The following XRCC4 variants were observed in gnomAD, a reference collection of about 807,000 sequenced individuals.
XRCC4 encodes the protein DNA repair protein XRCC4.
Under a neutral mutation model 39.1 loss-of-function variants are expected in XRCC4, and 28 were observed. The ratio of observed to expected loss-of-function variants is 0.72; its 90% CI spans 0.53 to 0.98. The LOEUF is 0.98. XRCC4 is among the 50% of genes least tolerant of loss of function. The pLI is 0.00. For missense variants in XRCC4, 350 were observed against 376.4 expected, an observed-to-expected ratio of 0.93 and a Z score of 0.58; for synonymous variants, 123 against 126.4, an observed-to-expected ratio of 0.97 and a Z score of 0.18.
At chr5:83,333,453 A>T (rs1756498336) in intron 7 of XRCC4, among the ~76,000 whole-genome samples, 1 of 152,182 alleles carries the variant, frequency 6.6e-6, no homozygotes, top group African/African-American at 2.4e-5. Flanking sequence ...CTTATTTTCA[A>T]GTTAATAATA....
chr5:83,260,269 A>C (rs2112900965), intron 7 of XRCC4, among the ~76,000 whole-genome samples: 1 of 152,240 alleles, frequency 6.6e-6, no homozygotes, highest in African/African-American at 2.4e-5. Context: ...AAACTATGGG[A>C]AAGAATAAAA....
At chr5:83,320,668 A>C (rs918262028) in intron 7 of XRCC4, among the ~76,000 whole-genome samples, 29 of 152,196 alleles carry the variant, frequency 1.9e-4, no homozygotes, top group African/African-American at 6.5e-4. Context: ...ACCTTTGGCA[A>C]CTACCACCCT....
chr5:83,084,067 TG>T (rs112860696), intron 1 of XRCC4, among the ~76,000 whole-genome samples: 3,402 of 152,280 alleles, frequency 0.022, 138 homozygotes, highest in African/African-American at 0.078. Flanking sequence ...TATCAAATCC[TG>T]GTACATAGGA....
chr5:83,271,395 G>A (rs1396109571), intron 7 of XRCC4, among the ~76,000 whole-genome samples: 1 of 151,988 alleles, frequency 6.6e-6, no homozygotes, highest in Non-Finnish European at 1.5e-5. Context: ...ATAGCATAAA[G>A]TCATTCTTAT....
chr5:83,159,462 G>A (rs575007293), intron 3 of XRCC4, among the ~76,000 whole-genome samples: 1 of 152,112 alleles, frequency 6.6e-6, no homozygotes, highest in South Asian at 2.1e-4. Context: ...AGTGAAAGGA[G>A]AAATGTTTAG....
At chr5:83,106,932 C>G (rs779347978) in intron 2 of XRCC4, among the ~76,000 whole-genome samples, 10 of 151,938 alleles carry the variant, frequency 6.6e-5, no homozygotes, top group Non-Finnish European at 1.3e-4. Flanking sequence ...AATGAAAACT[C>G]CAGTTTTATA....
intron 6 of XRCC4, among the ~76,000 whole-genome samples, chr5:83,224,749 ATTG>A (rs1304064026): frequency 6.6e-6 from 1 of 152,062 alleles, no homozygotes; most frequent in Non-Finnish European, 1.5e-5. Context: ...TCACCTCTTC[ATTG>A]TTGAATTCCT....
intron 3 of XRCC4, among the ~76,000 whole-genome samples, chr5:83,127,622 A>C (rs1168277309): frequency 6.6e-6 from 1 of 152,036 alleles, no homozygotes; most frequent in East Asian, 1.9e-4. Context: ...AAAACGGACT[A>C]ATACCATCCC....
At chr5:83,283,034 C>CT (rs1204589687) in intron 7 of XRCC4, among the ~76,000 whole-genome samples, 1 of 140,462 alleles carries the variant, frequency 7.1e-6, no homozygotes, top group Non-Finnish European at 1.5e-5. Context: ...GAACATGGTA[C>CT]TTACTATAGC....
intron 3 of XRCC4, among the ~76,000 whole-genome samples, chr5:83,152,913 C>T (rs1748782598): frequency 6.6e-6 from 1 of 152,146 alleles, no homozygotes; most frequent in African/African-American, 2.4e-5. Context: ...GTTTTAAATG[C>T]ATTCATTTTT....
At chr5:83,368,258 C>T in the XRCC4 span, among the ~76,000 whole-genome samples, 1 of 152,160 alleles carries the variant, frequency 6.6e-6, no homozygotes, top group Non-Finnish European at 1.5e-5. Context: ...CCCTGAACTA[C>T]AGTTTCGTCA....
chr5:83,152,464 C>T (rs894590884), intron 3 of XRCC4, among the ~76,000 whole-genome samples: 1 of 151,908 alleles, frequency 6.6e-6, no homozygotes, highest in Non-Finnish European at 1.5e-5. Context: ...GAAACCCTGT[C>T]TCGACTAAAA....
chr5:83,243,263 A>G (rs1752981768), intron 6 of XRCC4, among the ~76,000 whole-genome samples: 1 of 152,222 alleles, frequency 6.6e-6, no homozygotes. Flanking sequence ...TCAGGAGTGT[A>G]TGAGTTTGCT....
chr5:83,163,843 GAA>G (rs1226884442), intron 3 of XRCC4, among the ~76,000 whole-genome samples: 1 of 152,164 alleles, frequency 6.6e-6, no homozygotes, highest in Admixed American at 6.6e-5. Context: ...AGGGAATACT[GAA>G]AATGCTCTTA....
At position 83,104,925 on chromosome 5, in the gene XRCC4, G is replaced by T; in HGVS notation, c.6G>T (p.Glu2Asp). Reference protein sequence around the residue: MERKISRIHLVS... With the variant: MDRKISRIHLVS... ...CCCATTACAGGTATTAAGAAATGGA[G>T]AGAAAAATAAGCAGAATCCACCTTG... The change falls in exon 2 of 8, where the codon GAG (glutamate) becomes GAT (aspartate). Residue 2 changes from glutamate to aspartate, a missense_variant. Glu to Asp is a conservative substitution (Grantham distance 45, BLOSUM62 2). Coordinates refer to ENST00000396027, the MANE Select transcript of XRCC4 (RefSeq NM_003401.5). The T allele has an allele frequency of 6.2e-7, 1 of 1,612,942 alleles. No individual in the cohort carries two copies. The highest frequency in any genetic ancestry group is 1.1e-5 in the South Asian group (1 of 91,004).
chr5:83,253,714 A>G (rs1449638186), intron 6 of XRCC4, among the ~76,000 whole-genome samples: 1 of 152,206 alleles, frequency 6.6e-6, no homozygotes, highest in Non-Finnish European at 1.5e-5. Flanking sequence ...AATGATTTAT[A>G]AAAATAATGA....
intron 3 of XRCC4, among the ~76,000 whole-genome samples, chr5:83,175,731 C>A (rs986403456): frequency 2.0e-5 from 3 of 152,150 alleles, no homozygotes; most frequent in African/African-American, 7.2e-5. Flanking sequence ...GCCTTATCCT[C>A]CTAAGTAGCT....
At chr5:83,225,704 G>T (rs1580393204) in intron 6 of XRCC4, among the ~76,000 whole-genome samples, 1 of 151,446 alleles carries the variant, frequency 6.6e-6, no homozygotes, top group African/African-American at 2.4e-5. Flanking sequence ...CTTCCAAAAG[G>T]CTATTATTGT....
intron 3 of XRCC4, among the ~76,000 whole-genome samples, chr5:83,118,809 A>G (rs1746863102): frequency 6.6e-6 from 1 of 152,226 alleles, no homozygotes; most frequent in Non-Finnish European, 1.5e-5. Flanking sequence ...TGCAGGGAAG[A>G]TTGAAATATC....
Sources: gnomAD v4.1 joint callset for allele counts (sites outside exome capture counted in the v4.1 genomes callset) on GRCh38, gnomAD v4.1.1 for gene constraint, MANE v1.5 for transcripts, NCBI Gene and HGNC (gene_info 2026-07-23, HGNC 2026-07-21) for gene names.